The following CCDC102B variants were observed in gnomAD, a reference collection of about 807,000 sequenced individuals.
CCDC102B encodes coiled-coil domain-containing protein 102B.
CCDC102B carries 75 observed loss-of-function variants against 57.4 expected under a neutral mutation model. The ratio of observed to expected loss-of-function variants is 1.31; its 90% CI spans 1.08 to 1.58. The LOEUF (loss-of-function observed/expected upper bound fraction) is 1.58. Among genes scored for constraint, CCDC102B ranks in the 40% most tolerant of loss-of-function variants. The pLI is 0.00. For missense variants in CCDC102B, 636 were observed against 582.6 expected, an observed-to-expected ratio of 1.09 and a Z score of -0.94; for synonymous variants, 206 against 201.9, an observed-to-expected ratio of 1.02 and a Z score of -0.17.
At chr18:68,845,630 A>C (rs2037824034) in intron 3 of CCDC102B, among the ~76,000 whole-genome samples, 1 of 151,858 alleles carries the variant, frequency 6.6e-6, no homozygotes, top group African/African-American at 2.4e-5. Context: ...CATTACAACC[A>C]GAAATAAAAC....
intron 2 of CCDC102B, among the ~76,000 whole-genome samples, chr18:68,717,300 G>A (rs1599362986): frequency 6.6e-6 from 1 of 152,144 alleles, no homozygotes; most frequent in Non-Finnish European, 1.5e-5. Context: ...GTAATGAGAT[G>A]TACTATAAAT....
At chr18:68,931,453 CA>C (rs1364505876) in intron 6 of CCDC102B, among the ~76,000 whole-genome samples, 2 of 151,406 alleles carry the variant, frequency 1.3e-5, no homozygotes, top group Non-Finnish European at 2.9e-5. Context: ...AAAGCATTCT[CA>C]ACATGGGCCA....
At chr18:68,801,689 C>T (rs2035859713) in intron 1 of CCDC102B, among the ~76,000 whole-genome samples, 1 of 151,988 alleles carries the variant, frequency 6.6e-6, no homozygotes, top group Admixed American at 6.6e-5. Flanking sequence ...GACTCGGGAG[C>T]ATATGTTTCT....
chr18:68,819,681 A>G (rs2036620597), intron 1 of CCDC102B, among the ~76,000 whole-genome samples: 1 of 152,018 alleles, frequency 6.6e-6, no homozygotes, highest in Non-Finnish European at 1.5e-5. Context: ...CATCCTCACA[A>G]TTTTGAGCTT....
At chr18:68,784,969 C>T (rs2035144456) in intron 2 of CCDC102B, among the ~76,000 whole-genome samples, 1 of 114,576 alleles carries the variant, frequency 8.7e-6, no homozygotes, top group South Asian at 3.6e-4. Context: ...CAATGCTATC[C>T]CTCCCCCCTC....
chr18:68,841,728 CT>C (rs575745167), intron 3 of CCDC102B, among the ~76,000 whole-genome samples: 4 of 151,716 alleles, frequency 2.6e-5, no homozygotes, highest in East Asian at 1.9e-4. Flanking sequence ...ATCATTTTAT[CT>C]TTTTTTTCTT....
intron 4 of CCDC102B, among the ~76,000 whole-genome samples, chr18:68,869,937 A>C (rs1464038014): frequency 6.6e-6 from 1 of 152,182 alleles, no homozygotes; most frequent in Non-Finnish European, 1.5e-5. Flanking sequence ...AGTTTTCTGC[A>C]TATGGCTAGC....
At chr18:68,875,274 C>T (rs1320601175) in intron 5 of CCDC102B, among the ~76,000 whole-genome samples, 1 of 152,128 alleles carries the variant, frequency 6.6e-6, no homozygotes, top group Non-Finnish European at 1.5e-5. Context: ...CCTGCCACCA[C>T]CAACAATAAA....
intron 1 of CCDC102B, among the ~76,000 whole-genome samples, chr18:68,812,538 G>A (rs1245185150): frequency 2.6e-5 from 4 of 152,108 alleles, no homozygotes; most frequent in Admixed American, 6.5e-5. Flanking sequence ...TCTGAATAGC[G>A]TCTCTATAGT....
chr18:68,803,049 G>A (rs1599483642), intron 1 of CCDC102B, among the ~76,000 whole-genome samples: 1 of 152,212 alleles, frequency 6.6e-6, no homozygotes, highest in African/African-American at 2.4e-5. Context: ...AGCAATTAAA[G>A]TGGTGTGATT....
At chr18:69,007,422 A>G (rs1380482676) in intron 6 of CCDC102B, among the ~76,000 whole-genome samples, 2 of 152,226 alleles carry the variant, frequency 1.3e-5, no homozygotes, top group Non-Finnish European at 2.9e-5. Context: ...TAAGTGATAA[A>G]CATTTTTAAA....
chr18:68,765,308 G>A (rs879813794), intron 2 of CCDC102B, among the ~76,000 whole-genome samples: 6,069 of 72,750 alleles, frequency 0.083, 301 homozygotes, highest in African/African-American at 0.19. Context: ...AAGGAAGGAA[G>A]GAAGGAAGGA....
At chr18:68,858,136 C>T (rs1348610243) in intron 4 of CCDC102B, among the ~76,000 whole-genome samples, 2 of 152,132 alleles carry the variant, frequency 1.3e-5, no homozygotes, top group Non-Finnish European at 2.9e-5. Flanking sequence ...ACATGGTGTG[C>T]CCCCACCAGG....
At chr18:68,795,782 A>G (rs2035610078), upstream of CCDC102B, among the ~76,000 whole-genome samples, 2 of 152,180 alleles carry the variant, frequency 1.3e-5, no homozygotes, top group African/African-American at 2.4e-5. Flanking sequence ...TAGGATTTCA[A>G]TATATCTTCT....
chr18:68,720,783 T>A (rs2032283527), intron 2 of CCDC102B, among the ~76,000 whole-genome samples: 3 of 152,184 alleles, frequency 2.0e-5, no homozygotes, highest in Admixed American at 2.0e-4. Context: ...CTTAGAAGAC[T>A]CCTGACTCAT....
chr18:68,976,830 C>T (rs2050450876), intron 6 of CCDC102B, among the ~76,000 whole-genome samples: 1 of 151,734 alleles, frequency 6.6e-6, no homozygotes, highest in Admixed American at 6.6e-5. Context: ...CTTATATTGG[C>T]AGGAGACTTT....
At chr18:68,902,723 G>A (rs1052971910) in intron 6 of CCDC102B, among the ~76,000 whole-genome samples, 7 of 152,086 alleles carry the variant, frequency 4.6e-5, no homozygotes, top group Non-Finnish European at 1.0e-4. Flanking sequence ...CTCATTTGTT[G>A]TCTTAAGTCA....
intron 6 of CCDC102B, among the ~76,000 whole-genome samples, chr18:68,914,714 G>A (rs183301705): frequency 2.6e-5 from 4 of 152,236 alleles, no homozygotes; most frequent in Non-Finnish European, 4.4e-5. Flanking sequence ...TCGTTTTTAT[G>A]AGTCTTTCTT....
intron 1 of CCDC102B, among the ~76,000 whole-genome samples, chr18:68,813,442 G>T (rs1022555956): frequency 1.3e-5 from 2 of 152,004 alleles, no homozygotes; most frequent in African/African-American, 4.8e-5. Flanking sequence ...GTAGAGGAAG[G>T]GATGGGAGGC....
Sources: gnomAD v4.1 joint callset for allele counts (sites outside exome capture counted in the v4.1 genomes callset) on GRCh38, gnomAD v4.1.1 for gene constraint, MANE v1.5 for transcripts, NCBI Gene and HGNC (gene_info 2026-07-23, HGNC 2026-07-21) for gene names.